The following NUTM2G variants were observed in gnomAD, a reference collection of about 807,000 sequenced individuals.
The protein encoded by NUTM2G is NUT family member 2G.
NUTM2G carries 29 observed loss-of-function variants against 44.3 expected under a neutral mutation model. The ratio of observed to expected loss-of-function variants is 0.66; its 90% CI spans 0.49 to 0.89. The LOEUF (loss-of-function observed/expected upper bound fraction) is 0.89, where lower values mean the gene tolerates loss of function less well. Ranked by LOEUF, NUTM2G falls within the 40% of genes least tolerant of loss-of-function variation. NUTM2G has a pLI of 0.00. For synonymous variants in NUTM2G, 205 were observed against 395.9 expected, an observed-to-expected ratio of 0.52 and a Z score of 5.72; for missense variants, 502 against 946.5, an observed-to-expected ratio of 0.53 and a Z score of 6.16.
At position 96,938,581 on chromosome 9, in the gene NUTM2G, G is replaced by C. The variant is rs1298518847; in HGVS notation, c.1658G>C (p.Gly553Ala). Residue 553 changes from glycine to alanine, a missense_variant, in exon 7 of 7, where the codon GGC (glycine) becomes GCC (alanine). Transcript: ENST00000372322. ...CAGGGACAGGGCAGAGTGCGCACTG[G>C]CATGGCCAGGTCCGAAGACCCTGCT... ...DPQGQGRVRT[G>A]MARSEDPAVL... The C allele has an allele frequency of 1.2e-6, 2 of 1,613,324 alleles. No individual in the cohort carries two copies. The highest frequency in any genetic ancestry group is 8.5e-7 in the Non-Finnish European group (1 of 1,179,726).
chr9:96,941,241 GTT>G, downstream of NUTM2G, among the ~76,000 whole-genome samples: 1 of 149,564 alleles, frequency 6.7e-6, no homozygotes, highest in African/African-American at 2.4e-5. Context: ...CCCTGTCCTT[GTT>G]TTGGCTGAGC....
chr9:96,934,552 C>A (rs1177761302), intron 2 of NUTM2G, among the ~76,000 whole-genome samples: 1 of 152,028 alleles, frequency 6.6e-6, no homozygotes, highest in Admixed American at 6.5e-5. Flanking sequence ...GGCTTGGACA[C>A]CGCTCTGCTT....
chr9:96,932,926 G>C (rs1826311384), intron 2 of NUTM2G, among the ~76,000 whole-genome samples: 3 of 151,264 alleles, frequency 2.0e-5, no homozygotes, highest in Admixed American at 6.6e-5. Context: ...TGAGATTACA[G>C]GCATGAGCCA....
downstream of NUTM2G, chr9:96,942,917 T>C (rs947151366): frequency 7.4e-6 from 1 of 134,580 alleles, no homozygotes; most frequent in Non-Finnish European, 1.5e-5. Flanking sequence ...AGAAACTGAC[T>C]GTATACAGGC....
rs185356493 is a variant in NUTM2G, at chr9:96,935,526, G to A, written c.842+70G>A. 2.1e-3 allele frequency: 3,388 copies of A among 1,610,686 alleles called. 37 individuals carry two copies. In the African/African-American group the frequency reaches 0.035, roughly 17 times the overall value. Reference sequence around the variant, plus strand: ...AGTGAATGACAGAGGCCCGGTGGCCGTGGTGGCTTCTCAGCGTGGAGCATG... The same window carrying A: ...AGTGAATGACAGAGGCCCGGTGGCCATGGTGGCTTCTCAGCGTGGAGCATG... On this transcript the variant is annotated intron_variant, in intron 3 of 6. Coordinates refer to ENST00000372322, the MANE Select transcript of NUTM2G (RefSeq NM_001170741.3).
chr9:96,934,996 C>T (rs1256573420), intron 2 of NUTM2G, among the ~76,000 whole-genome samples: 1 of 152,166 alleles, frequency 6.6e-6, no homozygotes, highest in Non-Finnish European at 1.5e-5. Flanking sequence ...CCTGCTCTAA[C>T]CCTGATTGCC....
chr9:96,933,272 C>A (rs1430573167), intron 2 of NUTM2G, among the ~76,000 whole-genome samples: 1 of 151,952 alleles, frequency 6.6e-6, no homozygotes, highest in East Asian at 1.9e-4. Flanking sequence ...CCCACCGTGC[C>A]CGGCTTTTAC....
Position 96,937,358 on chromosome 9 carries a change from T to C in NUTM2G, c.1277T>C (p.Leu426Pro), listed in dbSNP as rs763022828. 4 of 1,613,708 alleles carry C rather than the reference T, an allele frequency of 2.5e-6. No individual in the cohort carries two copies. Among genetic ancestry groups the C allele is most frequent in the Non-Finnish European group, 3.4e-6 (4 of 1,179,808 alleles). The part of the protein sequence containing the change: ...EDGMTSDPGL[L>P]SYIDKLCSQE... ...GGGATGACCTCAGACCCGGGCCTCC[T>C]GAGCTACATTGACAAGCTGTGTTCC... is the stretch of plus-strand genomic sequence containing the variant. Residue 426 changes from leucine (L) to proline (P), a missense_variant, in exon 5 of 7, where the codon CTG becomes CCG. Coordinates refer to ENST00000372322, the MANE Select transcript of NUTM2G (RefSeq NM_001170741.3).
Position 96,938,635 on chromosome 9 carries a change from G to C in NUTM2G, c.1712G>C (p.Arg571Thr), listed in dbSNP as rs778014025. ...AVLLGCQDSPRLKAVRPTSPP... is the reference protein window; with the variant it reads ...AVLLGCQDSPTLKAVRPTSPP... The stretch of plus-strand genomic sequence containing the variant: ...CTTTTGGGATGTCAGGACTCCCCCA[G>C]GCTGAAGGCTGTCCGGCCAACCTCT... The change falls in exon 7 of 7, where the codon AGG becomes ACG. Residue 571 changes from arginine (R) to threonine (T), a missense_variant. Transcript: ENST00000372322. The C allele has an allele frequency of 7.5e-6, 12 of 1,600,626 alleles. No individual in the cohort carries two copies. Among genetic ancestry groups the C allele is most frequent in the Non-Finnish European group, 8.5e-6 (10 of 1,179,384 alleles).
chr9:96,937,760 G>A, intron 5 of NUTM2G, 125 bp from the exon 6 acceptor site: 1 of 1,188,796 alleles, frequency 8.4e-7, no homozygotes, highest in Non-Finnish European at 1.2e-6. Flanking sequence ...TGGTCGCCAT[G>A]ATATGAAACA....
rs1406144725 is a variant in NUTM2G, at chr9:96,932,153, G to T, written c.448G>T (p.Gly150Cys). 1 of 1,611,518 alleles carries T rather than the reference G, an allele frequency of 6.2e-7. No individual in the cohort carries two copies. The highest frequency in any genetic ancestry group is 1.3e-5 in the African/African-American group (1 of 74,902). ...VVGGTQACEG[G>C]WSHGLPLPPP... is the part of the protein sequence containing the mutation. The stretch of plus-strand genomic sequence containing the variant: ...TGGGGGCACCCAGGCCTGTGAGGGA[G>T]GCTGGTCCCATGGCCTTCCTCTTCC... Residue 150 changes from glycine (G) to cysteine (C), a missense_variant, in exon 2 of 7, where the codon GGC (glycine) becomes TGC (cysteine). Physicochemically the swap from Gly to Cys is radical, Grantham distance 159 (BLOSUM62 -3). Transcript: ENST00000372322.
Position 96,931,781 on chromosome 9 carries a change from A to T in NUTM2G, c.76A>T (p.Thr26Ser). 1 of 1,611,522 alleles carries T rather than the reference A, an allele frequency of 6.2e-7. No individual in the cohort carries two copies. The highest frequency in any genetic ancestry group is 1.3e-5 in the African/African-American group (1 of 74,476). ...CCCTGGCACCTCCCTGTCTGTGTTC[A>T]CGGCTCTGCCCTTTGCCACACCCTC... ...VNPGTSLSVF[T>S]ALPFATPSPG... The change falls in exon 2 of 7, where the codon ACG (threonine) becomes TCG (serine). Residue 26 changes from threonine to serine, a missense_variant. Transcript: ENST00000372322.
intron 2 of NUTM2G, 134 bp from the exon 3 acceptor site, chr9:96,935,194 C>G: frequency 1.4e-6 from 2 of 1,459,066 alleles, no homozygotes; most frequent in Non-Finnish European, 1.9e-6. Flanking sequence ...GGCTGAGGAG[C>G]CCACATGGGG....
rs769502327 is a variant in NUTM2G at position 96,937,211 on chromosome 9, C to A, written c.1130C>A (p.Pro377His). Residue 377 changes from proline (P) to histidine (H), a missense_variant, in exon 5 of 7, where the codon CCT (proline) becomes CAT (histidine). Physicochemically the swap from Pro to His is moderately conservative, Grantham distance 77 (BLOSUM62 -2). Coordinates refer to ENST00000372322, the MANE Select transcript of NUTM2G (RefSeq NM_001170741.3). The part of the protein sequence containing the change: ...AETKVPEEIP[P>H]EVVQEYVDIM... ...ACCAAGGTCCCTGAGGAGATCCCCCCTGAAGTGGTGCAGGAGTATGTGGAC... is the reference window on the plus strand; with the variant it reads ...ACCAAGGTCCCTGAGGAGATCCCCCATGAAGTGGTGCAGGAGTATGTGGAC... 4 of 1,613,052 alleles carry A rather than the reference C, an allele frequency of 2.5e-6. No homozygotes were observed. The highest frequency in any genetic ancestry group is 3.4e-6 in the Non-Finnish European group (4 of 1,179,880).
Position 96,936,499 on chromosome 9 carries a change from C to T in NUTM2G, c.917C>T (p.Pro306Leu). Residue 306 changes from proline (P) to leucine (L), a missense_variant, in exon 4 of 7, where the codon CCT becomes CTT. By Grantham distance (98) the Pro-to-Leu change is moderately conservative (BLOSUM62 -3). Transcript: ENST00000372322. ...TGGATGAAGGGGCCCCAGAGCCTGC[C>T]TCCTCCAGCCCCGCCGAGGCTTGAA... ...SQWMKGPQSL[P>L]PPAPPRLEPR... The T allele has an allele frequency of 1.9e-6, 3 of 1,550,022 alleles. No homozygotes were observed. Among genetic ancestry groups the T allele is most frequent in the South Asian group, 1.2e-5 (1 of 85,408 alleles).
intron 4 of NUTM2G, among the ~76,000 whole-genome samples, chr9:96,936,766 C>T (rs1174902761): frequency 5.9e-5 from 9 of 152,294 alleles, no homozygotes; most frequent in Non-Finnish European, 7.4e-5. Flanking sequence ...GGGTATTGAC[C>T]GGGCCAAGTT....
chr9:96,936,116 T>C (rs1012447614), intron 3 of NUTM2G, among the ~76,000 whole-genome samples: 52 of 149,512 alleles, frequency 3.5e-4, no homozygotes, highest in African/African-American at 1.2e-3. Context: ...TGACGCCTTC[T>C]GCCATCAACC....
Position 96,939,087 on chromosome 9 carries a change from CAA to C in NUTM2G, c.2167_2168del (p.Lys723GlufsTer4). On this transcript the variant is annotated frameshift_variant, in exon 7 of 7. Transcript: ENST00000372322. LOFTEE classifies it low-confidence loss of function (END_TRUNC). ...AWGLGGPSQS[Q>X]KRKGDPLASR... ...GGGGCTGGGTGGCCCCTCACAGTCT[CAA>C]AAGAGAAAGGGTGACCCCTTGGCCT... is the stretch of plus-strand genomic sequence containing the variant. The C allele has an allele frequency of 1.7e-6, 2 of 1,143,018 alleles. No homozygotes were observed. The highest frequency in any genetic ancestry group is 2.4e-6 in the Non-Finnish European group (2 of 842,730). 70.8% of individuals were successfully genotyped at this position (1,143,018 alleles called of 1,614,324 possible).
intron 2 of NUTM2G, among the ~76,000 whole-genome samples, chr9:96,932,704 G>A (rs1220774566): frequency 6.6e-6 from 1 of 150,898 alleles, no homozygotes; most frequent in East Asian, 2.0e-4. Flanking sequence ...CCAGGCTGGA[G>A]TGCAATGGCG....
Sources: allele counts gnomAD v4.1 joint callset (sites outside exome capture counted in the v4.1 genomes callset), GRCh38; gene constraint gnomAD v4.1.1; transcripts MANE v1.5; gene names NCBI Gene and HGNC (gene_info 2026-07-23, HGNC 2026-07-21).